Variants in UNC13C observed in about 807,000 individuals in gnomAD.
UNC13C encodes unc-13 homolog C.
Under a neutral mutation model 245.4 loss-of-function variants are expected in UNC13C, and 174 were observed. That is an observed-to-expected ratio of 0.71 (90% CI 0.63 to 0.80). The LOEUF (loss-of-function observed/expected upper bound fraction) is 0.80. UNC13C is among the 30% of genes least tolerant of loss of function. The pLI, the probability that UNC13C is intolerant of heterozygous loss-of-function variation, is 0.00. For missense variants in UNC13C, 2,829 were observed against 2,602.9 expected (o/e 1.09, Z -1.89); for synonymous variants, 992 against 895.1 (o/e 1.11, Z -1.93).
At chr15:54,496,595 G>GTGTA (rs1555474909) in intron 20 of UNC13C, among the ~76,000 whole-genome samples, 2 of 151,136 alleles carry the variant, frequency 1.3e-5, no homozygotes, top group African/African-American at 4.9e-5. Flanking sequence ...GTGTGTGTGT[G>GTGTA]TATATATATA....
chr15:54,108,189 A>C (rs1900546600), intron 2 of UNC13C, among the ~76,000 whole-genome samples: 1 of 52,242 alleles, frequency 1.9e-5, no homozygotes. Flanking sequence ...TTTGCTAAAT[A>C]ATACTTTTTT....
At chr15:53,919,825 TA>T in the UNC13C span, among the ~76,000 whole-genome samples, 1 of 152,188 alleles carries the variant, frequency 6.6e-6, no homozygotes, top group South Asian at 2.1e-4. Flanking sequence ...AAGTTTTGGT[TA>T]AAAATATTTT....
Position 54,015,613 on chromosome 15 carries a change from G to A in UNC13C, c.2710G>A (p.Ala904Thr). Reference protein sequence around the residue: ...SITETDEQMQAYDHLSYETPY... With the variant: ...SITETDEQMQTYDHLSYETPY... ...TACTGAAACAGATGAACAAATGCAAGCATATGATCACCTTTCATATGAAAC... is the reference window on the plus strand; with the variant it reads ...TACTGAAACAGATGAACAAATGCAAACATATGATCACCTTTCATATGAAAC... The change falls in exon 2 of 33, where the codon GCA (alanine) becomes ACA (threonine). Residue 904 changes from alanine (A) to threonine (T), a missense_variant. Transcript: ENST00000260323. 14 of 1,613,730 alleles carry A rather than the reference G, an allele frequency of 8.7e-6. No homozygotes were observed. The highest frequency in any genetic ancestry group is 1.2e-5 in the Non-Finnish European group (14 of 1,179,786).
At chr15:54,022,923 A>G (rs1180369770) in intron 2 of UNC13C, among the ~76,000 whole-genome samples, 1 of 152,186 alleles carries the variant, frequency 6.6e-6, no homozygotes, top group East Asian at 1.9e-4. Flanking sequence ...AAATTCATCT[A>G]GGAGGCAAGA....
chr15:54,207,395 T>C (rs7171432), intron 4 of UNC13C, among the ~76,000 whole-genome samples: 4,689 of 152,154 alleles, frequency 0.031, 243 homozygotes, highest in African/African-American at 0.11. Context: ...TCAGTTGTCA[T>C]GTGATCTCTT....
At chr15:53,936,585 C>T in the UNC13C span, among the ~76,000 whole-genome samples, 1,477 of 152,262 alleles carry the variant, frequency 9.7e-3, 32 homozygotes, top group African/African-American at 0.033. Flanking sequence ...TGAAACCTCC[C>T]AACAGGGGTC....
chr15:54,223,835 A>G (rs1386517172), intron 4 of UNC13C, among the ~76,000 whole-genome samples: 1 of 151,826 alleles, frequency 6.6e-6, no homozygotes, highest in Non-Finnish European at 1.5e-5. Flanking sequence ...TGTAGTTTTC[A>G]TTATAAAGAT....
At chr15:54,504,082 G>A (rs189076115) in intron 22 of UNC13C, among the ~76,000 whole-genome samples, 140 of 152,220 alleles carry the variant, frequency 9.2e-4, no homozygotes, top group African/African-American at 3.1e-3. Flanking sequence ...GATAAAATGG[G>A]CACATGAGTA....
At chr15:54,214,902 TA>T (rs2034992825) in intron 4 of UNC13C, among the ~76,000 whole-genome samples, 1 of 151,934 alleles carries the variant, frequency 6.6e-6, no homozygotes, top group South Asian at 2.1e-4. Context: ...GCTAACACCC[TA>T]AATTGAGACC....
At position 54,284,054 on chromosome 15, in the gene UNC13C, A is replaced by G. The variant is rs553097871; in HGVS notation, c.3819-9841A>G. On this transcript the variant is annotated intron_variant, in intron 10 of 32. Coordinates refer to ENST00000260323, the MANE Select transcript of UNC13C (RefSeq NM_001080534.3). ...ACTGTTCCAGTCCCTTTACAGTTGTATGATCTTTTGTTCCTCATTACAACC... is the reference window on the plus strand; with the variant it reads ...ACTGTTCCAGTCCCTTTACAGTTGTGTGATCTTTTGTTCCTCATTACAACC... Among the ~76,000 whole-genome samples, 6 of 152,342 alleles carry G rather than the reference A, an allele frequency of 3.9e-5. No homozygotes were observed. In the East Asian group the frequency reaches 7.7e-4, roughly 20 times the overall value.
chr15:54,540,686 A>T (rs777129350), intron 26 of UNC13C, among the ~76,000 whole-genome samples: 1 of 152,018 alleles, frequency 6.6e-6, no homozygotes, highest in Non-Finnish European at 1.5e-5. Flanking sequence ...TTTATGTTGC[A>T]CTTTCTCCAC....
At chr15:54,143,134 T>C in intron 3 of UNC13C, 94 bp downstream of exon 3, 2 of 1,252,044 alleles carry the variant, frequency 1.6e-6, no homozygotes, top group Non-Finnish European at 2.3e-6. Context: ...TCCTCTGTTT[T>C]AGTTTTGAAA....
rs76263683 is a variant in UNC13C at position 54,357,778 on chromosome 15, A to C, written c.4713+19289A>C. Among the ~76,000 whole-genome samples, 637 of 152,106 alleles carry C rather than the reference A, an allele frequency of 4.2e-3. 27 individuals carry two copies. The East Asian group carries it at 0.087, about 21-fold the overall frequency. On this transcript the variant is annotated intron_variant, in intron 17 of 32. Transcript: ENST00000260323. ...TAAACTGTTCTTTGGTTTCCATATA[A>C]ATTTCCCTTGCTCTTGGAGTAGGAC...
At chr15:54,412,205 G>GA (rs140131665) in intron 18 of UNC13C, among the ~76,000 whole-genome samples, 72 of 141,206 alleles carry the variant, frequency 5.1e-4, no homozygotes, top group South Asian at 1.8e-3. Context: ...GACTTCATCT[G>GA]AAAAAAAAAA....
At chr15:54,186,894 G>T (rs1182994928) in intron 4 of UNC13C, among the ~76,000 whole-genome samples, 3 of 142,028 alleles carry the variant, frequency 2.1e-5, no homozygotes, top group Non-Finnish European at 4.7e-5. Context: ...TGTCACCGAG[G>T]CTGGAGTGCA....
chr15:53,997,426 T>C (rs1894685684), intron 1 of UNC13C, among the ~76,000 whole-genome samples: 1 of 152,182 alleles, frequency 6.6e-6, no homozygotes, highest in South Asian at 2.1e-4. Context: ...AGTTATCAAA[T>C]TTCTGTTTTA....
intron 18 of UNC13C, among the ~76,000 whole-genome samples, chr15:54,396,923 C>G (rs923902297): frequency 6.6e-6 from 1 of 150,690 alleles, no homozygotes; most frequent in Non-Finnish European, 1.5e-5. Flanking sequence ...AAAAGTCTGT[C>G]ATCAGAAATA....
chr15:54,065,206 C>A (rs1185279952), intron 2 of UNC13C, among the ~76,000 whole-genome samples: 1 of 152,112 alleles, frequency 6.6e-6, no homozygotes, highest in African/African-American at 2.4e-5. Flanking sequence ...TCCTCAGGGG[C>A]CCACCTCTCT....
the UNC13C span, among the ~76,000 whole-genome samples, chr15:53,949,062 C>T: frequency 6.6e-6 from 1 of 152,176 alleles, no homozygotes; most frequent in Non-Finnish European, 1.5e-5. Flanking sequence ...CCTCAAGGGA[C>T]TTATAATCTA....
Sources: gnomAD v4.1 joint callset for allele counts (sites outside exome capture counted in the v4.1 genomes callset) on GRCh38, gnomAD v4.1.1 for gene constraint, MANE v1.5 for transcripts, NCBI Gene and HGNC (gene_info 2026-07-23, HGNC 2026-07-21) for gene names.